Variants in CHN2 observed in about 807,000 individuals in gnomAD.
The protein encoded by CHN2 is beta-chimaerin.
Under a neutral mutation model 56.3 loss-of-function variants are expected in CHN2, and 35 were observed. The observed-to-expected ratio is 0.62, with a 90% CI of 0.47 to 0.82. The LOEUF (loss-of-function observed/expected upper bound fraction) is 0.82, where lower values mean the gene tolerates loss of function less well. Ranked by LOEUF, CHN2 falls within the 40% of genes least tolerant of loss-of-function variation. CHN2 has a pLI of 0.00. For synonymous variants in CHN2, 210 were observed against 212.8 expected, an observed-to-expected ratio of 0.99 and a Z score of 0.12; for missense variants, 491 against 580.5, an observed-to-expected ratio of 0.85 and a Z score of 1.58.
chr7:29,301,940 TG>T (rs1793706246), intron 1 of CHN2, among the ~76,000 whole-genome samples: 1 of 152,178 alleles, frequency 6.6e-6, no homozygotes, highest in Non-Finnish European at 1.5e-5. Flanking sequence ...CTGGCCACTT[TG>T]GGGATAGGAG....
intron 1 of CHN2, among the ~76,000 whole-genome samples, chr7:29,340,202 G>A (rs866049178): frequency 5.3e-5 from 8 of 152,130 alleles, no homozygotes; most frequent in African/African-American, 1.7e-4. Flanking sequence ...CTAAATTTGT[G>A]TATTATTTTA....
chr7:29,298,929 A>C (rs562961985), intron 1 of CHN2, among the ~76,000 whole-genome samples: 1 of 152,332 alleles, frequency 6.6e-6, no homozygotes, highest in South Asian at 2.1e-4. Flanking sequence ...TTAGTTTTAT[A>C]CTGGGCCTGA....
At chr7:29,294,155 G>C (rs984123724) in intron 1 of CHN2, among the ~76,000 whole-genome samples, 1 of 152,026 alleles carries the variant, frequency 6.6e-6, no homozygotes, top group Non-Finnish European at 1.5e-5. Context: ...TGTGAGCCAC[G>C]GCGCCCGGCC....
intron 3 of CHN2, among the ~76,000 whole-genome samples, chr7:29,381,354 C>T (rs1800482100): frequency 1.3e-5 from 2 of 152,104 alleles, no homozygotes; most frequent in African/African-American, 4.8e-5. Context: ...CAGGCTCGTG[C>T]CAGAAAAGTA....
intron 10 of CHN2, 35 bp from the exon 11 acceptor site, chr7:29,507,193 C>G (rs771809647): frequency 2.6e-6 from 4 of 1,564,154 alleles, no homozygotes; most frequent in Non-Finnish European, 2.6e-6. Context: ...GAAATAAGGT[C>G]CTAATTAGGA....
chr7:29,197,484 G>T (rs1208989549), intron 1 of CHN2, among the ~76,000 whole-genome samples: 1 of 152,186 alleles, frequency 6.6e-6, no homozygotes, highest in Non-Finnish European at 1.5e-5. Context: ...GAAATAATGT[G>T]TGTGGAGTAT....
In CHN2 at chr7:29,480,440, T is replaced by G; in HGVS notation, c.654+84T>G. The G allele has an allele frequency of 4.3e-6, 6 of 1,387,556 alleles. No individual in the cohort carries two copies. In the South Asian group the frequency reaches 7.3e-5, roughly 17 times the overall value. 86.0% of individuals were successfully genotyped at this position (1,387,556 alleles called of 1,614,324 possible). A position where few individuals can be genotyped will look rare whatever the true frequency, so the allele number is the denominator to read the frequency against. On this transcript the variant is annotated intron_variant, in intron 7 of 12. Coordinates refer to ENST00000222792, the MANE Select transcript of CHN2 (RefSeq NM_004067.4). ...GTATAGTTTCCGTCTGGTTTCTGAC[T>G]GTAAAGTCAAGAGACAATGAATTCC...
chr7:29,176,862 C>G (rs1006697706), intron 2 of CHN2, among the ~76,000 whole-genome samples: 1 of 152,080 alleles, frequency 6.6e-6, no homozygotes, highest in South Asian at 2.1e-4. Flanking sequence ...CATCATTGGT[C>G]AGAATGGTAA....
chr7:29,464,190 G>A (rs976529233), intron 6 of CHN2, among the ~76,000 whole-genome samples: 7 of 152,156 alleles, frequency 4.6e-5, no homozygotes, highest in African/African-American at 1.7e-4. Flanking sequence ...TTGGGCACTA[G>A]AAACTATGTG....
intron 2 of CHN2, among the ~76,000 whole-genome samples, chr7:29,180,717 CTAAT>C (rs1316215340): frequency 2.0e-5 from 3 of 152,168 alleles, no homozygotes; most frequent in Non-Finnish European, 4.4e-5. Flanking sequence ...CACTAACACA[CTAAT>C]TAAGGGGCAC....
At chr7:29,201,907 A>G (rs1784194050) in intron 1 of CHN2, among the ~76,000 whole-genome samples, 1 of 152,220 alleles carries the variant, frequency 6.6e-6, no homozygotes, top group African/African-American at 2.4e-5. Context: ...TTAAAAAAGT[A>G]ATTTCTTTAT....
chr7:29,150,247 C>A (rs751209183), intron 2 of CHN2, among the ~76,000 whole-genome samples: 5 of 152,200 alleles, frequency 3.3e-5, no homozygotes, highest in African/African-American at 7.2e-5. Context: ...TACTTAATCT[C>A]AGTTTTCTCA....
At chr7:29,293,372 C>A (rs58143015) in intron 1 of CHN2, among the ~76,000 whole-genome samples, 3 of 121,466 alleles carry the variant, frequency 2.5e-5, no homozygotes, top group East Asian at 2.9e-4. Context: ...GCCCCCCCCC[C>A]CCCCCATATT....
At chr7:29,268,095 C>T (rs1415882317) in intron 1 of CHN2, among the ~76,000 whole-genome samples, 3 of 152,010 alleles carry the variant, frequency 2.0e-5, no homozygotes, top group Non-Finnish European at 4.4e-5. Flanking sequence ...TTTTGAGTAT[C>T]TTTATTTTAT....
chr7:29,157,716 A>G (rs1794604327), intron 2 of CHN2, among the ~76,000 whole-genome samples: 1 of 152,256 alleles, frequency 6.6e-6, no homozygotes, highest in Admixed American at 6.5e-5. Flanking sequence ...TGACCTGAAC[A>G]AGATCTGGTG....
chr7:29,417,905 A>G (rs1435055168), intron 6 of CHN2, among the ~76,000 whole-genome samples: 2 of 152,206 alleles, frequency 1.3e-5, no homozygotes, highest in South Asian at 2.1e-4. Context: ...GCTTCATAGT[A>G]AAGACACGTG....
At chr7:29,243,399 T>G (rs1787834460) in intron 1 of CHN2, among the ~76,000 whole-genome samples, 1 of 152,164 alleles carries the variant, frequency 6.6e-6, no homozygotes, top group Non-Finnish European at 1.5e-5. Flanking sequence ...CAGTCAGAGT[T>G]TTCTAAGTTG....
At chr7:29,164,788 A>AAC (rs1056942055) in intron 2 of CHN2, among the ~76,000 whole-genome samples, 1 of 151,648 alleles carries the variant, frequency 6.6e-6, no homozygotes, top group African/African-American at 2.4e-5. Context: ...TCAAAAAAAA[A>AAC]AAAAAAAAAA....
At chr7:29,146,892 T>C (rs1792781640) in exon 2 of CHN2, 1 of 1,551,238 alleles carries the variant, frequency 6.4e-7, no homozygotes, top group Non-Finnish European at 8.7e-7. Context: ...AAGCGAGTGG[T>C]GTTTGATTCC....
Sources: gnomAD v4.1 joint callset for allele counts (sites outside exome capture counted in the v4.1 genomes callset) on GRCh38, gnomAD v4.1.1 for gene constraint, MANE v1.5 for transcripts, NCBI Gene and HGNC (gene_info 2026-07-23, HGNC 2026-07-21) for gene names.